The following FSTL5 variants were observed in gnomAD, a reference collection of about 807,000 sequenced individuals.
The protein encoded by FSTL5 is follistatin like 5, also known as follistatin-related protein 5.
FSTL5 carries 62 observed loss-of-function variants against 89.1 expected under a neutral mutation model. The ratio of observed to expected loss-of-function variants is 0.70; its 90% CI spans 0.57 to 0.86. FSTL5 has a LOEUF of 0.86. Among genes scored for constraint, FSTL5 ranks in the 40% least tolerant of loss-of-function variants. FSTL5 has a pLI of 0.00. For synonymous variants in FSTL5, 383 were observed against 346.2 expected (o/e 1.11, Z -1.18); for missense variants, 1,057 against 1,001.6 (o/e 1.06, Z -0.75).
At chr4:161,769,305 A>G (rs746759487) in intron 5 of FSTL5, among the ~76,000 whole-genome samples, 2 of 152,018 alleles carry the variant, frequency 1.3e-5, no homozygotes, top group African/African-American at 2.4e-5. Flanking sequence ...TGAAAATTAG[A>G]AGAGGAAGGA....
intron 6 of FSTL5, among the ~76,000 whole-genome samples, chr4:161,705,463 TC>T (rs1370156856): frequency 6.6e-6 from 1 of 152,154 alleles, no homozygotes; most frequent in Non-Finnish European, 1.5e-5. Context: ...CTTAGTGCTT[TC>T]TAAGAAATAT....
chr4:161,947,142 A>ATGTG lies in FSTL5; in HGVS notation c.161-26494_161-26491dup, dbSNP rs70937698. ...AGATATTTGTGGGGTGTGTGTGTGT[A>ATGTG]TGTGTGTGTGTGTGTGTGTGCATCT... On this transcript the variant is annotated intron_variant, in intron 3 of 15. Coordinates refer to ENST00000306100, the MANE Select transcript of FSTL5 (RefSeq NM_020116.5). Among the ~76,000 whole-genome samples the ATGTG allele has an allele frequency of 7.2e-3, 1,066 of 148,430 alleles. 5 individuals carry two copies. Among genetic ancestry groups the ATGTG allele is most frequent in the Middle Eastern group, 0.01 (3 of 288 alleles).
At chr4:161,526,603 C>T (rs1731227861) in intron 10 of FSTL5, among the ~76,000 whole-genome samples, 1 of 152,020 alleles carries the variant, frequency 6.6e-6, no homozygotes, top group African/African-American at 2.4e-5. Flanking sequence ...GTCTTTAATC[C>T]ATCTTGAATT....
At chr4:161,863,562 C>T (rs150362146) in intron 4 of FSTL5, among the ~76,000 whole-genome samples, 55 of 152,296 alleles carry the variant, frequency 3.6e-4, no homozygotes, top group African/African-American at 1.3e-3. Context: ...AGAATATCTG[C>T]ATCATAAACT....
At chr4:161,597,553 G>C (rs1011121812) in intron 7 of FSTL5, among the ~76,000 whole-genome samples, 4 of 151,594 alleles carry the variant, frequency 2.6e-5, no homozygotes, top group Non-Finnish European at 4.4e-5. Flanking sequence ...GGGTGCAGCA[G>C]ACCAATATGG....
intron 3 of FSTL5, among the ~76,000 whole-genome samples, chr4:161,949,205 CTT>C (rs1734821258): frequency 2.0e-5 from 3 of 152,198 alleles, no homozygotes; most frequent in South Asian, 2.1e-4. Flanking sequence ...CTGTCATTCT[CTT>C]GTCTCCCTCT....
At chr4:162,095,523 G>A (rs986059292) in intron 2 of FSTL5, among the ~76,000 whole-genome samples, 1 of 151,984 alleles carries the variant, frequency 6.6e-6, no homozygotes, top group African/African-American at 2.4e-5. Flanking sequence ...GTGAATAAGG[G>A]ACTTTATTGT....
At chr4:161,456,269 G>T (rs1426392300) in intron 14 of FSTL5, among the ~76,000 whole-genome samples, 2 of 152,018 alleles carry the variant, frequency 1.3e-5, no homozygotes, top group African/African-American at 4.8e-5. Context: ...TGAAATTTTT[G>T]TAAGACACAT....
intron 15 of FSTL5, 180 bp from the exon 16 acceptor site, chr4:161,386,629 G>A (rs1416258642): frequency 3.5e-6 from 2 of 564,288 alleles, no homozygotes; most frequent in African/African-American, 1.9e-5. Context: ...CTTTCTCTAG[G>A]TCATTCTTTC....
chr4:161,676,292 G>T (rs1216141782), intron 6 of FSTL5, among the ~76,000 whole-genome samples: 1 of 151,964 alleles, frequency 6.6e-6, no homozygotes, highest in Non-Finnish European at 1.5e-5. Flanking sequence ...AGAAAATGTG[G>T]CACATATACA....
At chr4:161,655,984 C>G (rs780226376) in intron 7 of FSTL5, among the ~76,000 whole-genome samples, 102 of 151,962 alleles carry the variant, frequency 6.7e-4, no homozygotes, top group Non-Finnish European at 1.2e-3. Flanking sequence ...TACTTGAACA[C>G]GCATATAGGC....
intron 12 of FSTL5, among the ~76,000 whole-genome samples, chr4:161,499,015 A>G (rs979795166): frequency 6.6e-6 from 1 of 152,044 alleles, no homozygotes; most frequent in Non-Finnish European, 1.5e-5. Flanking sequence ...CCTGGCCAAC[A>G]TGGTGAAACC....
intron 2 of FSTL5, among the ~76,000 whole-genome samples, chr4:162,041,567 G>A (rs959657438): frequency 6.6e-6 from 1 of 152,084 alleles, no homozygotes; most frequent in Non-Finnish European, 1.5e-5. Flanking sequence ...ATATTTTGAT[G>A]TGAAGTTATT....
chr4:161,555,362 G>A (rs753365964), intron 8 of FSTL5, among the ~76,000 whole-genome samples: 41 of 151,246 alleles, frequency 2.7e-4, no homozygotes, highest in Admixed American at 2.0e-3. Context: ...TAACAAAAGC[G>A]TTTCAGATGA....
At chr4:161,895,773 A>G (rs993511734) in intron 4 of FSTL5, among the ~76,000 whole-genome samples, 3 of 152,196 alleles carry the variant, frequency 2.0e-5, no homozygotes, top group African/African-American at 7.2e-5. Context: ...TGTTTTTTGC[A>G]TATCACAACG....
intron 6 of FSTL5, among the ~76,000 whole-genome samples, chr4:161,666,287 AG>A (rs1736890671): frequency 6.6e-6 from 1 of 152,228 alleles, no homozygotes; most frequent in Non-Finnish European, 1.5e-5. Flanking sequence ...TATATGGCTA[AG>A]AAAAATCTGA....
intron 10 of FSTL5, among the ~76,000 whole-genome samples, chr4:161,529,719 T>C (rs1731346863): frequency 7.0e-6 from 1 of 142,590 alleles, no homozygotes; most frequent in African/African-American, 2.5e-5. Context: ...TTTGGTTCTA[T>C]TTGACTCTAG....
intron 4 of FSTL5, among the ~76,000 whole-genome samples, chr4:161,856,244 A>G (rs1199285547): frequency 6.6e-6 from 1 of 152,128 alleles, no homozygotes; most frequent in East Asian, 1.9e-4. Context: ...ATTTGTTGAT[A>G]TTGAACATAG....
intron 3 of FSTL5, among the ~76,000 whole-genome samples, chr4:161,926,388 A>G (rs1734122512): frequency 7.5e-6 from 1 of 133,814 alleles, no homozygotes; most frequent in Non-Finnish European, 1.6e-5. Flanking sequence ...TCTGCAACAG[A>G]AGAAGGTTTT....
Sources: gnomAD v4.1 joint callset for allele counts (sites outside exome capture counted in the v4.1 genomes callset) on GRCh38, gnomAD v4.1.1 for gene constraint, MANE v1.5 for transcripts, NCBI Gene and HGNC (gene_info 2026-07-23, HGNC 2026-07-21) for gene names.